TSHZ2: variants seen among roughly 807,000 people sequenced by gnomAD.
The protein encoded by TSHZ2 is teashirt zinc finger homeobox 2.
TSHZ2 carries 21 observed loss-of-function variants against 74.4 expected under a neutral mutation model. That is an observed-to-expected ratio of 0.28 (90% CI 0.20 to 0.41). The LOEUF (loss-of-function observed/expected upper bound fraction) is 0.41, where lower values mean the gene tolerates loss of function less well. Among genes scored for constraint, TSHZ2 ranks in the 10% least tolerant of loss-of-function variants. TSHZ2 has a pLI of 1.00. For synonymous variants in TSHZ2, 540 were observed against 515.3 expected, an observed-to-expected ratio of 1.05 and a Z score of -0.65; for missense variants, 1,244 against 1,293.5, an observed-to-expected ratio of 0.96 and a Z score of 0.59.
In TSHZ2 at chr20:53,491,663, T is replaced by A. The variant is rs1719276076; in HGVS notation, c.*4528T>A. Reference sequence around the variant, plus strand: ...GCGTGGGTGTTTCTCCAAAAATTATTCATGCACAAGGCAGCCCAAAGCTTC... The same window carrying A: ...GCGTGGGTGTTTCTCCAAAAATTATACATGCACAAGGCAGCCCAAAGCTTC... On this transcript the variant is annotated 3_prime_UTR_variant, in exon 3 of 3. Transcript: ENST00000371497. 6.6e-6 allele frequency: 1 copy of A among 152,198 alleles called. No homozygotes were observed. The highest frequency in any genetic ancestry group is 2.4e-5 in the African/African-American group (1 of 41,460). 9.4% of individuals were successfully genotyped at this position (152,198 alleles called of 1,614,324 possible).
chr20:53,475,026 C>A lies in TSHZ2; in HGVS notation c.*9-12118C>A, dbSNP rs1985948002. 1.4e-5 allele frequency among the ~76,000 whole-genome samples: 2 copies of A among 138,324 alleles called. 1 individual carries two copies. Among genetic ancestry groups the A allele is most frequent in the African/African-American group, 5.7e-5 (2 of 35,360 alleles). 90.7% of individuals were successfully genotyped at this position (138,324 alleles called of 152,430 possible). A position where few individuals can be genotyped will look rare whatever the true frequency, so the allele number is the denominator to read the frequency against. Reference sequence around the variant, plus strand: ...CATAAAGCAAGTTCTGAGTGACCTACAAAGAGACTTAGACTCCCACACATT... The same window carrying A: ...CATAAAGCAAGTTCTGAGTGACCTAAAAAGAGACTTAGACTCCCACACATT... On this transcript the variant is annotated intron_variant, in intron 2 of 2. Transcript: ENST00000371497.
At chr20:53,417,148 C>A (rs1983283593) in intron 2 of TSHZ2, among the ~76,000 whole-genome samples, 1 of 151,500 alleles carries the variant, frequency 6.6e-6, no homozygotes, top group South Asian at 2.1e-4. Context: ...CAGTAGAAAA[C>A]CATGACTCTA....
At chr20:53,001,373 C>T (rs987711928) in intron 1 of TSHZ2, among the ~76,000 whole-genome samples, 9 of 152,026 alleles carry the variant, frequency 5.9e-5, no homozygotes, top group African/African-American at 1.9e-4. Context: ...TACAGGAACA[C>T]ATCAAAGGTA....
At chr20:53,157,543 A>T (rs965579087) in intron 1 of TSHZ2, among the ~76,000 whole-genome samples, 2 of 151,854 alleles carry the variant, frequency 1.3e-5, no homozygotes, top group African/African-American at 4.8e-5. Flanking sequence ...AGTAACTAAG[A>T]CTACAGGTGC....
intron 2 of TSHZ2, among the ~76,000 whole-genome samples, chr20:53,323,953 A>G (rs762606904): frequency 6.6e-6 from 1 of 152,132 alleles, no homozygotes; most frequent in Non-Finnish European, 1.5e-5. Context: ...CCTGGGCTAC[A>G]GGGGCAGACG....
At chr20:53,237,888 C>A (rs1327668287) in intron 1 of TSHZ2, among the ~76,000 whole-genome samples, 1 of 152,078 alleles carries the variant, frequency 6.6e-6, no homozygotes, top group African/African-American at 2.4e-5. Context: ...TGCAACCGTA[C>A]TCGAGACGGG....
chr20:53,075,869 G>T (rs1985348652), intron 1 of TSHZ2, among the ~76,000 whole-genome samples: 1 of 152,160 alleles, frequency 6.6e-6, no homozygotes, highest in South Asian at 2.1e-4. Context: ...TACTTTACAT[G>T]CAATGGGAGA....
At chr20:52,992,147 T>C (rs1982019366) in intron 1 of TSHZ2, among the ~76,000 whole-genome samples, 1 of 152,208 alleles carries the variant, frequency 6.6e-6, no homozygotes, top group Non-Finnish European at 1.5e-5. Context: ...CTGGCCTCTC[T>C]TCCTCTCCAT....
intron 2 of TSHZ2, among the ~76,000 whole-genome samples, chr20:53,370,654 C>A (rs6022426): frequency 6.6e-6 from 1 of 152,170 alleles, no homozygotes; most frequent in South Asian, 2.1e-4. Context: ...GTCCCAGATA[C>A]TCAGGGGGCT....
At chr20:53,468,749 G>A (rs1418213660) in intron 2 of TSHZ2, among the ~76,000 whole-genome samples, 8 of 149,850 alleles carry the variant, frequency 5.3e-5, no homozygotes, top group African/African-American at 1.5e-4. Context: ...TGAAGGCAGT[G>A]GGTCGTCTGG....
chr20:53,207,748 C>G (rs892529237), intron 1 of TSHZ2, among the ~76,000 whole-genome samples: 2 of 151,888 alleles, frequency 1.3e-5, no homozygotes, highest in African/African-American at 4.8e-5. Flanking sequence ...ACTGTCATAG[C>G]TTACTGCAGC....
In TSHZ2 at chr20:53,005,569, G is replaced by A. The variant is rs149661230; in HGVS notation, c.40+32236G>A. ...ATTCTCTGTAAATCCTGCATGCAGC[G>A]TGTCCTGTGTCATGTGGTGATGAGA... is the stretch of plus-strand genomic sequence containing the variant. On this transcript the variant is annotated intron_variant, in intron 1 of 2. Coordinates refer to ENST00000371497, the MANE Select transcript of TSHZ2 (RefSeq NM_173485.6). Among the ~76,000 whole-genome samples the A allele has an allele frequency of 9.6e-3, 1,454 of 152,246 alleles. 6 individuals carry two copies. Among genetic ancestry groups the A allele is most frequent in the Middle Eastern group, 0.02 (6 of 294 alleles).
At chr20:53,069,660 GATACAC>G (rs1332990717) in intron 1 of TSHZ2, among the ~76,000 whole-genome samples, 1 of 96,702 alleles carries the variant, frequency 1.0e-5, no homozygotes, top group African/African-American at 4.5e-5. Flanking sequence ...TCAATGCTTT[GATACAC>G]ACACACACAC....
chr20:53,387,225 C>T (rs181457090), intron 2 of TSHZ2, among the ~76,000 whole-genome samples: 3 of 152,304 alleles, frequency 2.0e-5, no homozygotes, highest in East Asian at 1.9e-4. Context: ...ACTTCCCGAG[C>T]GTTCACTGTA....
chr20:53,190,641 C>T (rs1052260814), intron 1 of TSHZ2, among the ~76,000 whole-genome samples: 2 of 152,190 alleles, frequency 1.3e-5, no homozygotes, highest in African/African-American at 4.8e-5. Context: ...GAAAACAATA[C>T]TCAGTAGATT....
chr20:53,002,121 T>C (rs1347775372), intron 1 of TSHZ2, among the ~76,000 whole-genome samples: 1 of 152,204 alleles, frequency 6.6e-6, no homozygotes, highest in East Asian at 1.9e-4. Flanking sequence ...ACTTACTCTG[T>C]GCCACACAGG....
Position 53,299,138 on chromosome 20 carries a change from G to C in TSHZ2, c.*8+42567G>C, listed in dbSNP as rs958286756. The stretch of plus-strand genomic sequence containing the variant: ...TTAACAGATGATGTATAGCTAACTA[G>C]ACCCCATCTGTTCTATAAAAGAGAG... On this transcript the variant is annotated intron_variant, in intron 2 of 2. Coordinates refer to ENST00000371497, the MANE Select transcript of TSHZ2 (RefSeq NM_173485.6). Among the ~76,000 whole-genome samples the C allele has an allele frequency of 5.3e-5, 8 of 152,150 alleles. No individual in the cohort carries two copies. The East Asian group carries it at 1.3e-3, about 26-fold the overall frequency.
intron 2 of TSHZ2, among the ~76,000 whole-genome samples, chr20:53,375,114 C>T (rs1031447616): frequency 6.6e-6 from 1 of 152,068 alleles, no homozygotes; most frequent in Non-Finnish European, 1.5e-5. Context: ...CCCAGGAGTG[C>T]ATGGATTATT....
In TSHZ2 at chr20:53,050,218, T is replaced by C. The variant is rs185514344; in HGVS notation, c.40+76885T>C. Among the ~76,000 whole-genome samples the C allele has an allele frequency of 3.8e-4, 56 of 148,142 alleles. 1 individual carries two copies. Among genetic ancestry groups the C allele is most frequent in the Non-Finnish European group, 6.5e-4 (44 of 67,396 alleles). On this transcript the variant is annotated intron_variant, in intron 1 of 2. Transcript: ENST00000371497. ...ATATATATGTATGTATATATATGAA[T>C]GTTTATATATAGTGGCTACTTAAAA...
Sources: gnomAD v4.1 joint callset for allele counts (sites outside exome capture counted in the v4.1 genomes callset) on GRCh38, gnomAD v4.1.1 for gene constraint, MANE v1.5 for transcripts, NCBI Gene and HGNC (gene_info 2026-07-23, HGNC 2026-07-21) for gene names.